DMD: variants seen among roughly 807,000 people sequenced by gnomAD.
DMD encodes the protein mutant dystrophin.
In DMD, 63 loss-of-function variants were observed where a neutral mutation model predicts 330.1. The observed-to-expected ratio is 0.19, with a 90% CI of 0.16 to 0.24. DMD has a LOEUF of 0.24. DMD is among the 10% of genes least tolerant of loss of function. The probability of loss-of-function intolerance (pLI) is 1.00; values close to 1 mark genes in which losing one functional copy is unlikely to be tolerated. For synonymous variants in DMD, 1,223 were observed against 959.8 expected, an observed-to-expected ratio of 1.27 and a Z score of -5.07; for missense variants, 3,344 against 2,684.1, an observed-to-expected ratio of 1.25 and a Z score of -5.43.
intron 17 of DMD, among the ~76,000 whole-genome samples, chrX:32,538,116 C>A (rs1292677591): frequency 1.8e-5 from 2 of 112,126 alleles, no homozygotes; most frequent in African/African-American, 6.5e-5. Context: ...TCACAAGATG[C>A]AACAGTAGCA....
chrX:32,661,474 TC>T (rs1318211641), intron 9 of DMD, among the ~76,000 whole-genome samples: 2 of 111,931 alleles, frequency 1.8e-5, no homozygotes, highest in Non-Finnish European at 1.9e-5. Context: ...GAATTCAGTA[TC>T]TGTCTCACGA....
At chrX:33,256,364 C>T (rs2052856184) in intron 1 of DMD, among the ~76,000 whole-genome samples, 1 of 110,201 alleles carries the variant, frequency 9.1e-6, no homozygotes, top group Admixed American at 9.7e-5. Context: ...TCAACAGTCA[C>T]AGAAAGAGGA....
chrX:31,477,965 T>C (rs1203422099), intron 59 of DMD, 141 bp downstream of exon 59: 5 of 629,593 alleles, frequency 7.9e-6, no homozygotes, highest in South Asian at 2.7e-5. Flanking sequence ...GAAAATACCA[T>C]GTGAATGAAG....
intron 7 of DMD, among the ~76,000 whole-genome samples, chrX:32,703,310 A>G (rs989171139): frequency 9.0e-6 from 1 of 111,472 alleles, no homozygotes; most frequent in African/African-American, 3.3e-5. Context: ...TGTTTAGTAA[A>G]ACTGTAAAGT....
intron 44 of DMD, among the ~76,000 whole-genome samples, chrX:32,129,532 C>T (rs1480522594): frequency 1.8e-5 from 2 of 110,875 alleles, no homozygotes; most frequent in Non-Finnish European, 3.8e-5. Flanking sequence ...ATCAGGATTA[C>T]ATTCAAATAA....
At chrX:31,754,614 A>G (rs2088901080) in intron 51 of DMD, among the ~76,000 whole-genome samples, 1 of 111,848 alleles carries the variant, frequency 8.9e-6, no homozygotes, top group Admixed American at 9.5e-5. Context: ...TATTAAATAA[A>G]GATAAAAACT....
intron 76 of DMD, among the ~76,000 whole-genome samples, chrX:31,145,664 T>TTTTTTTTA (rs2036595886): frequency 9.9e-6 from 1 of 100,672 alleles, no homozygotes; most frequent in African/African-American, 3.8e-5. Context: ...GGAACTCTAT[T>TTTTTTTTA]TTTTTTTTTT....
At chrX:32,115,990 C>T (rs1398187956) in intron 44 of DMD, among the ~76,000 whole-genome samples, 5 of 111,909 alleles carry the variant, frequency 4.5e-5, no homozygotes, top group Non-Finnish European at 1.9e-5. Context: ...TATCTCCACT[C>T]TATTTTTCTA....
intron 43 of DMD, among the ~76,000 whole-genome samples, chrX:32,230,229 TTTTTG>T (rs748462548): frequency 1.9e-3 from 216 of 111,677 alleles, no homozygotes; most frequent in African/African-American, 6.5e-3. Flanking sequence ...AACATGGTTT[TTTTTG>T]TTTTGTTTTG....
chrX:32,423,760 T>C (rs1484984068), intron 29 of DMD, among the ~76,000 whole-genome samples: 1 of 110,681 alleles, frequency 9.0e-6, no homozygotes, highest in Non-Finnish European at 1.9e-5. Context: ...CCACAGACCC[T>C]TTTGTGAAGG....
At chrX:31,702,748 TA>T (rs1199399968) in intron 52 of DMD, among the ~76,000 whole-genome samples, 1 of 111,195 alleles carries the variant, frequency 9.0e-6, no homozygotes, top group African/African-American at 3.3e-5. Context: ...GCATTTTTTT[TA>T]AACTCCCCCT....
intron 30 of DMD, among the ~76,000 whole-genome samples, chrX:32,394,928 A>AAC (rs1388129926): frequency 3.0e-5 from 3 of 99,669 alleles, no homozygotes; most frequent in Admixed American, 2.2e-4. Flanking sequence ...AAAAAAAAAA[A>AAC]AAAAAGAAAA....
chrX:31,553,851 TAAAGA>T (rs757578614), intron 55 of DMD, among the ~76,000 whole-genome samples: 106 of 112,866 alleles, frequency 9.4e-4, no homozygotes, highest in Non-Finnish European at 1.3e-3. Flanking sequence ...TTAATAGTTG[TAAAGA>T]AAAGACAATG....
At chrX:33,136,190 C>T (rs1352960380) in intron 1 of DMD, among the ~76,000 whole-genome samples, 2 of 100,115 alleles carry the variant, frequency 2.0e-5, no homozygotes, top group African/African-American at 7.5e-5. Flanking sequence ...CGTGGTGGCA[C>T]GCACCTGTGG....
chrX:31,870,260 C>T (rs1384719124), intron 48 of DMD, among the ~76,000 whole-genome samples: 1 of 111,969 alleles, frequency 8.9e-6, no homozygotes, highest in Non-Finnish European at 1.9e-5. Context: ...TATTATTTCT[C>T]TACTTTTTTG....
intron 55 of DMD, among the ~76,000 whole-genome samples, chrX:31,603,381 A>G (rs911380694): frequency 8.9e-6 from 1 of 111,923 alleles, no homozygotes; most frequent in Non-Finnish European, 1.9e-5. Flanking sequence ...ATGTCTATCA[A>G]GCAAAAGAAA....
At chrX:32,050,340 C>T (rs1250251465) in intron 44 of DMD, among the ~76,000 whole-genome samples, 3 of 110,648 alleles carry the variant, frequency 2.7e-5, no homozygotes, top group Middle Eastern at 4.7e-3. Context: ...GTGCTTATGC[C>T]AAGTGGGAGA....
chrX:31,499,809 A>G (rs1264664781), intron 56 of DMD, among the ~76,000 whole-genome samples: 2 of 112,034 alleles, frequency 1.8e-5, no homozygotes, highest in African/African-American at 6.5e-5. Flanking sequence ...TCAGTTCTAA[A>G]GGATCTAAGA....
chrX:31,999,457 T>C (rs1387591648), intron 44 of DMD, among the ~76,000 whole-genome samples: 1 of 111,999 alleles, frequency 8.9e-6, no homozygotes, highest in Non-Finnish European at 1.9e-5. Flanking sequence ...CTAATCTTAA[T>C]CACTGGATGA....
Sources: gnomAD v4.1 joint callset for allele counts (sites outside exome capture counted in the v4.1 genomes callset) on GRCh38, gnomAD v4.1.1 for gene constraint, MANE v1.5 for transcripts, NCBI Gene and HGNC (gene_info 2026-07-23, HGNC 2026-07-21) for gene names.